RBM6: variants seen among roughly 807,000 people sequenced by gnomAD.
RBM6 encodes RNA-binding protein 6.
RBM6 carries 23 observed loss-of-function variants against 140.4 expected under a neutral mutation model. That is an observed-to-expected ratio of 0.16 (90% CI 0.12 to 0.23). The LOEUF (loss-of-function observed/expected upper bound fraction) is 0.23, where lower values mean the gene tolerates loss of function less well. Ranked by LOEUF, RBM6 falls within the 10% of genes least tolerant of loss-of-function variation. RBM6 has a pLI of 1.00. For missense variants in RBM6, 1,139 were observed against 1,386.7 expected (o/e 0.82, Z 2.84); for synonymous variants, 439 against 475.6 (o/e 0.92, Z 1.00).
At position 49,968,199 on chromosome 3, in the gene RBM6, A is replaced by G. The variant is rs1373714249; in HGVS notation, c.774A>G (p.Arg258=). 1.2e-6 allele frequency: 2 copies of G among 1,614,166 alleles called. No homozygotes were observed. The highest frequency in any genetic ancestry group is 2.2e-5 in the South Asian group (2 of 91,082). ...GGGATACGCCACATTCAGATTTCAG[A>G]GGTAGACACCGATCTAGGACTGATC... The part of the protein sequence containing the change: ...RDRDTPHSDF[R]GRHRSRTDQD... Residue 258 remains arginine, a synonymous_variant, in exon 3 of 21, where the codon AGA becomes AGG. Coordinates refer to ENST00000266022, the MANE Select transcript of RBM6 (RefSeq NM_005777.3).
Position 49,967,317 on chromosome 3 carries a change from T to C in RBM6, c.45-153T>C. ...CACTTCGTCTTAAAATAGCAAAACT[T>C]TGCTGTTTTCTGCAGATCTAGGACC... is the stretch of plus-strand genomic sequence containing the variant. On this transcript the variant is annotated intron_variant, in intron 2 of 20. Transcript: ENST00000266022. This position sits in a 1 kb window ranked among gnomAD's most constrained non-coding sequence, Gnocchi z 4.0. 7.0e-7 allele frequency: 1 copy of C among 1,420,308 alleles called. No homozygotes were observed. Among genetic ancestry groups the C allele is most frequent in the Non-Finnish European group, 9.2e-7 (1 of 1,088,350 alleles). The allele number at this position is 1,420,308 out of a possible 1,614,324, so 88.0% of individuals were successfully genotyped here.
In RBM6 at chr3:50,038,416, A is replaced by C. The variant is rs570197902; in HGVS notation, c.1558-9829A>C. On this transcript the variant is annotated intron_variant, in intron 6 of 20. Transcript: ENST00000266022. ...TATTTGTTTTTCTCTATAGTGATTC[A>C]GTTTAGAGACCTATTCAATGAAGCA... 1.1e-4 allele frequency among the ~76,000 whole-genome samples: 17 copies of C among 152,280 alleles called. No individual in the cohort carries two copies. The East Asian group carries it at 3.3e-3, about 29-fold the overall frequency.
intron 7 of RBM6, among the ~76,000 whole-genome samples, chr3:50,053,130 T>C (rs1669888681): frequency 6.6e-6 from 1 of 151,892 alleles, no homozygotes; most frequent in African/African-American, 2.4e-5. Flanking sequence ...AGTTTCCTCA[T>C]CTACAAAATG....
At chr3:50,066,548 C>A in intron 17 of RBM6, 46 bp downstream of exon 17, 1 of 1,582,152 alleles carries the variant, frequency 6.3e-7, no homozygotes, top group Admixed American at 1.7e-5. Context: ...TGACTCTTGG[C>A]CGGGCTTTGT....
In RBM6 at chr3:49,948,725, A is replaced by ATCTCAGCTTCTTGGGAGGCTG. The variant is rs1423368328; in HGVS notation, c.-67+8500_-67+8501insTCTCAGCTTCTTGGGAGGCTG. ...GACTCTGTCTCAAAAAAGAAAAAAA[A>ATCTCAGCTTCTTGGGAGGCTG]AAAAAAGAATTGCTTGAACCCAGGA... On this transcript the variant is annotated intron_variant, in intron 1 of 20. Coordinates refer to ENST00000266022, the MANE Select transcript of RBM6 (RefSeq NM_005777.3). 1.9e-4 allele frequency among the ~76,000 whole-genome samples: 29 copies of ATCTCAGCTTCTTGGGAGGCTG among 151,184 alleles called. 1 individual carries two copies. The East Asian group carries it at 2.9e-3, about 15-fold the overall frequency.
chr3:50,006,937 A>G (rs1483730461), intron 6 of RBM6, among the ~76,000 whole-genome samples: 1 of 151,774 alleles, frequency 6.6e-6, no homozygotes, highest in Non-Finnish European at 1.5e-5. Context: ...ATCTCAAAAA[A>G]AAAAAAAAAG....
chr3:49,949,975 C>T (rs1055116472), intron 1 of RBM6, among the ~76,000 whole-genome samples: 1 of 152,050 alleles, frequency 6.6e-6, no homozygotes, highest in Non-Finnish European at 1.5e-5. Flanking sequence ...TGCCTGCCTC[C>T]GCCTCCTAAA....
chr3:50,064,979 T>C (rs1454368906), intron 15 of RBM6, 52 bp from the exon 16 acceptor site: 6 of 1,483,382 alleles, frequency 4.0e-6, no homozygotes, highest in Non-Finnish European at 3.8e-6. Context: ...GCCCAGCCTT[T>C]ATCAGTTATT....
At chr3:49,991,085 C>A (rs2085797654) in intron 5 of RBM6, among the ~76,000 whole-genome samples, 1 of 152,130 alleles carries the variant, frequency 6.6e-6, no homozygotes, top group Non-Finnish European at 1.5e-5. Context: ...CACAGTCTAC[C>A]CCTTCAGATT....
chr3:50,015,138 G>T (rs571299279), intron 6 of RBM6, among the ~76,000 whole-genome samples: 1 of 146,834 alleles, frequency 6.8e-6, no homozygotes, highest in Non-Finnish European at 1.5e-5. Context: ...ACAGAGTCAC[G>T]CTCTGTCACC....
intron 5 of RBM6, among the ~76,000 whole-genome samples, chr3:49,986,033 T>A (rs888832065): frequency 3.3e-5 from 5 of 152,026 alleles, no homozygotes; most frequent in African/African-American, 1.2e-4. Context: ...TCACCCAGGC[T>A]GGAGTGCAGT....
In RBM6 at chr3:49,972,122, G is replaced by A. The variant is rs182815684; in HGVS notation, c.1387G>A (p.Val463Ile). Residue 463 changes from valine (V) to isoleucine (I), a missense_variant, in exon 4 of 21, where the codon GTA (valine) becomes ATA (isoleucine). Val to Ile is a conservative substitution (Grantham distance 29, BLOSUM62 3). This residue lies in a region of RBM6 where 566 missense variants were observed against 612.7 expected (regional missense o/e 0.92). Transcript: ENST00000266022. ...CAGCAGGCTTATTCGATTAAGTGGG[G>A]TACCTGAAGATGCCACAAAAGAAGA... is the stretch of plus-strand genomic sequence containing the variant. Reference protein sequence around the residue: ...KPSRLIRLSGVPEDATKEEIL... With the variant: ...KPSRLIRLSGIPEDATKEEIL... The A allele has an allele frequency of 3.1e-6, 5 of 1,612,856 alleles. No individual in the cohort carries two copies. In the East Asian group the frequency reaches 1.1e-4, roughly 36 times the overall value.
intron 18 of RBM6, 76 bp downstream of exon 18, chr3:50,068,840 G>A: frequency 2.3e-6 from 3 of 1,311,354 alleles, no homozygotes; most frequent in Admixed American, 1.9e-5. Flanking sequence ...AGGCTGTGCT[G>A]ATCCCTCCTT....
At chr3:50,067,252 G>A (rs1247740961) in intron 17 of RBM6, among the ~76,000 whole-genome samples, 1 of 144,516 alleles carries the variant, frequency 6.9e-6, no homozygotes, top group Non-Finnish European at 1.5e-5. Flanking sequence ...GTGTATATCA[G>A]CCCCAGTTCC....
chr3:49,954,368 A>T (rs1311380175), intron 1 of RBM6, among the ~76,000 whole-genome samples: 1 of 148,040 alleles, frequency 6.8e-6, no homozygotes, highest in African/African-American at 2.5e-5. Context: ...TGAACCCTGG[A>T]GGCGGAGGTT....
At chr3:49,969,515 A>G (rs1468623958) in intron 3 of RBM6, among the ~76,000 whole-genome samples, 1 of 147,298 alleles carries the variant, frequency 6.8e-6, no homozygotes, top group Non-Finnish European at 1.5e-5. Context: ...ATATTTATAT[A>G]TATATATTTC....
chr3:50,066,348 C>T lies in RBM6; in HGVS notation c.2789C>T (p.Thr930Ile). 1 of 1,614,074 alleles carries T rather than the reference C, an allele frequency of 6.2e-7. No individual in the cohort carries two copies. The highest frequency in any genetic ancestry group is 8.5e-7 in the Non-Finnish European group (1 of 1,180,036). The stretch of plus-strand genomic sequence containing the variant: ...CAGACCCCTCCCCCACAGCCCCGCA[C>T]AGCACAGCCCCAGAAGCGAGAGGAG... ...EEQTPPPQPR[T>I]AQPQKREEQT... is the part of the protein sequence containing the mutation. The change falls in exon 17 of 21, where the codon ACA becomes ATA. Residue 930 changes from threonine (T) to isoleucine (I), a missense_variant. Transcript: ENST00000266022.
intron 6 of RBM6, among the ~76,000 whole-genome samples, chr3:50,008,546 C>CTTTTTT (rs5848909): frequency 1.4e-5 from 1 of 73,694 alleles, no homozygotes; most frequent in African/African-American, 5.3e-5. Flanking sequence ...TCTTTTGTAA[C>CTTTTTT]TTTTTTTTTT....
In RBM6 at chr3:49,991,418, A is replaced by G. The variant is rs941173356; in HGVS notation, c.1484-8022A>G. On this transcript the variant is annotated intron_variant, in intron 5 of 20. Coordinates refer to ENST00000266022, the MANE Select transcript of RBM6 (RefSeq NM_005777.3). The stretch of plus-strand genomic sequence containing the variant: ...CCCTCATCAGAAGTTGGTGGGTGGT[A>G]CTGAAAGTTCTGAACTTCTGGTCAA... Among the ~76,000 whole-genome samples, 5 of 152,276 alleles carry G rather than the reference A, an allele frequency of 3.3e-5. No individual in the cohort carries two copies. The East Asian group carries it at 5.8e-4, about 18-fold the overall frequency.
Sources: allele counts gnomAD v4.1 joint callset (sites outside exome capture counted in the v4.1 genomes callset), GRCh38; gene constraint gnomAD v4.1.1; regional missense constraint gnomAD v4.1.1; non-coding constraint Gnocchi (gnomAD v3.1); transcripts MANE v1.5; gene names NCBI Gene and HGNC (gene_info 2026-07-23, HGNC 2026-07-21).